Variants in TEAD1 observed in about 807,000 individuals in gnomAD.
TEAD1 encodes TEA domain transcription factor 1.
Under a neutral mutation model 54.9 loss-of-function variants are expected in TEAD1, and 9 were observed. The observed-to-expected ratio is 0.16, with a 90% CI of 0.10 to 0.29. The LOEUF is 0.29. Ranked by LOEUF, TEAD1 falls within the 10% of genes least tolerant of loss-of-function variation. The pLI is 1.00. For missense variants in TEAD1, 387 were observed against 535.9 expected, an observed-to-expected ratio of 0.72 and a Z score of 2.74; for synonymous variants, 200 against 187.8, an observed-to-expected ratio of 1.07 and a Z score of -0.53.
intron 3 of TEAD1, among the ~76,000 whole-genome samples, chr11:12,858,549 A>G (rs1947438118): frequency 6.6e-6 from 1 of 152,198 alleles, no homozygotes; most frequent in South Asian, 2.1e-4. Context: ...GGTTTCTAAG[A>G]CTTGTTTAAG....
chr11:12,737,605 A>G (rs1430858478), intron 2 of TEAD1, among the ~76,000 whole-genome samples: 2 of 152,142 alleles, frequency 1.3e-5, no homozygotes, highest in South Asian at 2.1e-4. Context: ...TTGCAGCTCT[A>G]TATTCTGGCA....
At chr11:12,723,386 T>G (rs560938645) in intron 2 of TEAD1, among the ~76,000 whole-genome samples, 3 of 152,332 alleles carry the variant, frequency 2.0e-5, no homozygotes, top group Non-Finnish European at 4.4e-5. Flanking sequence ...AGATTTTCTG[T>G]GTAGAGCTTT....
intron 2 of TEAD1, among the ~76,000 whole-genome samples, chr11:12,742,649 C>T (rs182448087): frequency 1.2e-4 from 18 of 152,168 alleles, no homozygotes; most frequent in African/African-American, 3.9e-4. Context: ...TGGATCATTC[C>T]ACAATATATA....
At chr11:12,680,898 A>G (rs1220136112) in intron 2 of TEAD1, among the ~76,000 whole-genome samples, 1 of 152,152 alleles carries the variant, frequency 6.6e-6, no homozygotes, top group Non-Finnish European at 1.5e-5. Flanking sequence ...TGGGCCTCAG[A>G]TAAGCTGTCT....
intron 5 of TEAD1, among the ~76,000 whole-genome samples, chr11:12,871,365 A>G (rs1467815516): frequency 6.6e-6 from 1 of 152,236 alleles, no homozygotes; most frequent in Non-Finnish European, 1.5e-5. Context: ...CTTAGAAATT[A>G]TTCTCTACTT....
chr11:12,873,236 G>A (rs1358425037), intron 5 of TEAD1, among the ~76,000 whole-genome samples: 1 of 152,134 alleles, frequency 6.6e-6, no homozygotes, highest in Non-Finnish European at 1.5e-5. Flanking sequence ...GGTTCCTCTG[G>A]CCCCTTGCTG....
intron 5 of TEAD1, chr11:12,878,785 A>T (rs527988121): frequency 1.6e-6 from 1 of 632,554 alleles, no homozygotes; most frequent in African/African-American, 1.9e-5. Flanking sequence ...ACATATATAC[A>T]TATGTATATA....
intron 2 of TEAD1, among the ~76,000 whole-genome samples, chr11:12,693,427 G>C (rs137896096): frequency 1.9e-4 from 29 of 152,312 alleles, no homozygotes; most frequent in Non-Finnish European, 4.0e-4. Flanking sequence ...ACATGCTTCT[G>C]TACATCCTGG....
intron 3 of TEAD1, among the ~76,000 whole-genome samples, chr11:12,827,590 A>G (rs898777106): frequency 6.6e-6 from 1 of 152,184 alleles, no homozygotes; most frequent in Non-Finnish European, 1.5e-5. Context: ...CCATCTACTG[A>G]TTCTAGGTCC....
intron 5 of TEAD1, among the ~76,000 whole-genome samples, chr11:12,878,199 A>G (rs565373244): frequency 6.6e-6 from 1 of 152,174 alleles, no homozygotes; most frequent in African/African-American, 2.4e-5. Context: ...TTATAGGGCA[A>G]AGTAGTATCT....
In TEAD1 at chr11:12,719,007, G is replaced by C. The variant is rs11022477; in HGVS notation, c.-55+43446G>C. Among the ~76,000 whole-genome samples, 36 of 151,740 alleles carry C rather than the reference G, an allele frequency of 2.4e-4. No individual in the cohort carries two copies. In the Middle Eastern group the frequency reaches 0.017, roughly 72 times the overall value. On this transcript the variant is annotated intron_variant, in intron 2 of 12. Transcript: ENST00000527636. ...AAAACTTTGGGGTTTTTTTTTTAGGGGGGGGAGTCCAAGGGTCTTCTGAAC... is the reference window on the plus strand; with the variant it reads ...AAAACTTTGGGGTTTTTTTTTTAGGCGGGGGAGTCCAAGGGTCTTCTGAAC...
chr11:12,861,340 T>C (rs1947497294), intron 3 of TEAD1, among the ~76,000 whole-genome samples: 1 of 152,210 alleles, frequency 6.6e-6, no homozygotes, highest in East Asian at 1.9e-4. Context: ...TTTATACTTT[T>C]GGGCATTGTT....
chr11:12,735,000 T>G (rs1330579605), intron 2 of TEAD1, among the ~76,000 whole-genome samples: 1 of 152,226 alleles, frequency 6.6e-6, no homozygotes, highest in African/African-American at 2.4e-5. Flanking sequence ...AGTTTACTTT[T>G]GTGTTGATCA....
intron 2 of TEAD1, among the ~76,000 whole-genome samples, chr11:12,725,303 T>C (rs1212457634): frequency 6.6e-6 from 1 of 152,186 alleles, no homozygotes; most frequent in Non-Finnish European, 1.5e-5. Flanking sequence ...AAACCTGACC[T>C]TACAATTTCT....
intron 3 of TEAD1, chr11:12,851,160 C>A: frequency 3.4e-6 from 3 of 888,410 alleles, no homozygotes; most frequent in Non-Finnish European, 4.0e-6. Flanking sequence ...CATGATCTCA[C>A]TTATACGTGG....
At chr11:12,732,448 A>C (rs1944443633) in intron 2 of TEAD1, among the ~76,000 whole-genome samples, 1 of 152,064 alleles carries the variant, frequency 6.6e-6, no homozygotes, top group Non-Finnish European at 1.5e-5. Flanking sequence ...AACTCTGGGG[A>C]TGAGGGCTTG....
intron 10 of TEAD1, among the ~76,000 whole-genome samples, chr11:12,915,684 C>T (rs1490509609): frequency 6.6e-6 from 1 of 152,138 alleles, no homozygotes; most frequent in Non-Finnish European, 1.5e-5. Flanking sequence ...CCCATCTCTA[C>T]TAAAAAATAC....
chr11:12,914,705 C>T (rs1290990001), intron 10 of TEAD1, among the ~76,000 whole-genome samples: 1 of 152,258 alleles, frequency 6.6e-6, no homozygotes, highest in Admixed American at 6.5e-5. Flanking sequence ...CTTCTCTCTG[C>T]CCATGGCAGT....
chr11:12,837,676 C>T (rs368246090), intron 3 of TEAD1, among the ~76,000 whole-genome samples: 25 of 21,202 alleles, frequency 1.2e-3, no homozygotes, highest in East Asian at 4.3e-3. Flanking sequence ...CTTCCTTCTT[C>T]CTTCTTTCTC....
Sources: allele counts gnomAD v4.1 joint callset (sites outside exome capture counted in the v4.1 genomes callset), GRCh38; gene constraint gnomAD v4.1.1; transcripts MANE v1.5; gene names NCBI Gene and HGNC (gene_info 2026-07-23, HGNC 2026-07-21).